Variants in MYLK observed in about 807,000 individuals in gnomAD.
The protein encoded by MYLK is myosin light chain kinase, smooth muscle.
MYLK carries 106 observed loss-of-function variants against 203.4 expected under a neutral mutation model. That is an observed-to-expected ratio of 0.52 (90% CI 0.45 to 0.61). The LOEUF is 0.61. Among genes scored for constraint, MYLK ranks in the 20% least tolerant of loss-of-function variants. MYLK has a pLI of 0.00. For synonymous variants in MYLK, 867 were observed against 959.5 expected, an observed-to-expected ratio of 0.90 and a Z score of 1.78; for missense variants, 2,072 against 2,442.3, an observed-to-expected ratio of 0.85 and a Z score of 3.20.
At chr3:123,717,954 C>T (rs1296944655) in intron 13 of MYLK, among the ~76,000 whole-genome samples, 1 of 151,390 alleles carries the variant, frequency 6.6e-6, no homozygotes, top group South Asian at 2.1e-4. Flanking sequence ...CTCGACCTCG[C>T]AGGCTCAAGC....
At chr3:123,783,363 T>C (rs1342826657) in intron 4 of MYLK, among the ~76,000 whole-genome samples, 1 of 152,206 alleles carries the variant, frequency 6.6e-6, no homozygotes, top group Non-Finnish European at 1.5e-5. Flanking sequence ...TATCTTATTT[T>C]GCTAGTTTTT....
intron 14 of MYLK, chr3:123,709,364 A>G (rs1432064973): frequency 3.5e-6 from 1 of 284,926 alleles, no homozygotes; most frequent in Non-Finnish European, 6.8e-6. Flanking sequence ...GATGGTCTCG[A>G]TCTCCTGACC....
chr3:123,626,768 A>G (rs753211801), intron 31 of MYLK, 50 bp downstream of exon 31: 1 of 1,613,528 alleles, frequency 6.2e-7, no homozygotes, highest in African/African-American at 1.3e-5. Flanking sequence ...TGGCTTGAAC[A>G]ACACAAATAT....
chr3:123,857,505 G>T (rs1019232219), intron 2 of MYLK, among the ~76,000 whole-genome samples: 2 of 152,038 alleles, frequency 1.3e-5, no homozygotes, highest in Non-Finnish European at 2.9e-5. Flanking sequence ...CAGGGACATG[G>T]ATGAAATTGG....
Position 123,648,964 on chromosome 3 carries a change from C to A in MYLK, c.4415+7G>T. The A allele has an allele frequency of 6.2e-7, 1 of 1,613,766 alleles. No individual in the cohort carries two copies. Among genetic ancestry groups the A allele is most frequent in the South Asian group, 1.1e-5 (1 of 91,050 alleles). ...GGAGCCCAGAGGCAACTTCCCACTC[C>A]ACTTACGATCCTAATCTCTCCTCAA... On this transcript the variant is annotated splice_region_variant and intron_variant, in intron 26 of 33. Coordinates refer to ENST00000360304, the MANE Select transcript of MYLK (RefSeq NM_053025.4). The surrounding 1 kb of genome is among the most constrained non-coding windows in gnomAD (Gnocchi z 4.5).
chr3:123,765,400 G>A (rs552058867), intron 4 of MYLK, among the ~76,000 whole-genome samples: 26 of 152,056 alleles, frequency 1.7e-4, no homozygotes, highest in African/African-American at 4.6e-4. Context: ...GGGTGGTGGC[G>A]CATGCCTGTA....
chr3:123,718,773 G>A (rs930216932), intron 13 of MYLK, among the ~76,000 whole-genome samples: 1 of 152,108 alleles, frequency 6.6e-6, no homozygotes, highest in Non-Finnish European at 1.5e-5. Flanking sequence ...AACAGCACGT[G>A]CCAGCATTTG....
chr3:123,873,968 C>T (rs2682223), intron 2 of MYLK, among the ~76,000 whole-genome samples: 129,329 of 152,076 alleles, frequency 0.85, 55,319 homozygotes, highest in East Asian at 0.96. Context: ...ATGTATATGC[C>T]AAAAACTATA....
At position 123,737,492 on chromosome 3, in the gene MYLK, C is replaced by T. The variant is rs200452099; in HGVS notation, c.640G>A (p.Gly214Ser). The T allele has an allele frequency of 1.5e-5, 24 of 1,614,212 alleles. 1 individual carries two copies. The East Asian group carries it at 3.1e-4, about 21-fold the overall frequency. The change falls in exon 8 of 34, where the codon GGC becomes AGC. Residue 214 changes from glycine (G) to serine (S), a missense_variant. By Grantham distance (56) the Gly-to-Ser change is moderately conservative. Around this residue, in one of 3 missense-constraint regions of MYLK, gnomAD observed 683 missense variants for 643.8 expected, o/e 1.06. Coordinates refer to ENST00000360304, the MANE Select transcript of MYLK (RefSeq NM_053025.4). ...SARVSVSEKNGMQVLEIHGVN... is the reference protein window; with the variant it reads ...SARVSVSEKNSMQVLEIHGVN... The stretch of plus-strand genomic sequence containing the variant: ...CCATGGATTTCCAGAACCTGCATGC[C>T]GTTCTTCTCAGACACAGACACACGG...
At chr3:123,853,485 C>T (rs2031050371) in intron 2 of MYLK, among the ~76,000 whole-genome samples, 1 of 152,064 alleles carries the variant, frequency 6.6e-6, no homozygotes, top group Admixed American at 6.6e-5. Context: ...AACATTTGCC[C>T]CAGGGGAATT....
intron 11 of MYLK, among the ~76,000 whole-genome samples, chr3:123,731,606 A>T (rs2062477959): frequency 6.6e-6 from 1 of 152,212 alleles, no homozygotes; most frequent in African/African-American, 2.4e-5. Flanking sequence ...AAAGTAGACA[A>T]AGCAGTGTAG....
chr3:123,809,525 T>TA (rs2065482194), intron 3 of MYLK, among the ~76,000 whole-genome samples: 1 of 151,954 alleles, frequency 6.6e-6, no homozygotes, highest in Admixed American at 6.6e-5. Context: ...AAACTTCGTC[T>TA]AAAAAACAAA....
chr3:123,758,292 TGAACCCACA>T (rs2063424047), intron 4 of MYLK, among the ~76,000 whole-genome samples: 2 of 152,286 alleles, frequency 1.3e-5, no homozygotes, highest in Non-Finnish European at 2.9e-5. Context: ...AAGCCTTAAC[TGAACCCACA>T]GAACCCATCA....
intron 29 of MYLK, among the ~76,000 whole-genome samples, chr3:123,636,907 G>A (rs1414874251): frequency 6.6e-6 from 1 of 152,194 alleles, no homozygotes; most frequent in Non-Finnish European, 1.5e-5. Context: ...AGGCTATAGT[G>A]AGTAAAGTTC....
intron 13 of MYLK, among the ~76,000 whole-genome samples, chr3:123,719,644 G>A (rs1192271426): frequency 6.6e-6 from 1 of 152,192 alleles, no homozygotes; most frequent in Non-Finnish European, 1.5e-5. Context: ...ATGCTAAAAC[G>A]CCAGGGTGCA....
chr3:123,745,249 A>C (rs762528184), intron 5 of MYLK, among the ~76,000 whole-genome samples: 19 of 152,042 alleles, frequency 1.2e-4, no homozygotes, highest in Non-Finnish European at 2.4e-4. Flanking sequence ...CTGTACCCCT[A>C]GTGCTTGCCC....
chr3:123,667,752 ACT>A lies in MYLK; in HGVS notation c.3653-567_3653-566del, dbSNP rs150913382. 4.2e-3 allele frequency among the ~76,000 whole-genome samples: 637 copies of A among 152,054 alleles called. 5 individuals carry two copies. Among genetic ancestry groups the A allele is most frequent in the African/African-American group, 0.015 (626 of 41,468 alleles). On this transcript the variant is annotated intron_variant, in intron 20 of 33. Transcript: ENST00000360304. ...TCTGAAGCCTCCAATGAGATTAAAAACTCTCTAAAATGCTCGTGCTCCCATAG... is the reference window on the plus strand; with the variant it reads ...TCTGAAGCCTCCAATGAGATTAAAAACTCTAAAATGCTCGTGCTCCCATAG...
intron 1 of MYLK, among the ~76,000 whole-genome samples, chr3:123,882,067 C>G (rs547334964): frequency 6.6e-6 from 1 of 152,342 alleles, no homozygotes; most frequent in African/African-American, 2.4e-5. Context: ...CATATGTTTT[C>G]TAAGATCTGG....
At chr3:123,742,876 C>T (rs148578553) in intron 5 of MYLK, among the ~76,000 whole-genome samples, 22 of 152,176 alleles carry the variant, frequency 1.4e-4, no homozygotes, top group Admixed American at 1.3e-4. Flanking sequence ...CCCAAAAGGC[C>T]ATGTATGATA....
Sources: allele counts gnomAD v4.1 joint callset (sites outside exome capture counted in the v4.1 genomes callset), GRCh38; gene constraint gnomAD v4.1.1; regional missense constraint gnomAD v4.1.1; non-coding constraint Gnocchi (gnomAD v3.1); transcripts MANE v1.5; gene names NCBI Gene and HGNC (gene_info 2026-07-23, HGNC 2026-07-21).